Variants in CDON observed in about 807,000 individuals in gnomAD.
CDON encodes the protein cell adhesion associated, oncogene regulated, also known as cell adhesion molecule-related/down-regulated by oncogenes.
Under a neutral mutation model 120.9 loss-of-function variants are expected in CDON, and 73 were observed. The ratio of observed to expected loss-of-function variants is 0.60; its 90% CI spans 0.50 to 0.73. The LOEUF (loss-of-function observed/expected upper bound fraction) is 0.73. CDON is among the 30% of genes least tolerant of loss of function. The pLI, the probability that CDON is intolerant of heterozygous loss-of-function variation, is 0.00. For missense variants in CDON, 1,470 were observed against 1,587.3 expected, an observed-to-expected ratio of 0.93 and a Z score of 1.26; for synonymous variants, 566 against 573.5, an observed-to-expected ratio of 0.99 and a Z score of 0.19.
intron 7 of CDON, 64 bp downstream of exon 7, chr11:126,015,177 G>A (rs764313504): frequency 1.4e-6 from 2 of 1,448,888 alleles, no homozygotes; most frequent in African/African-American, 2.8e-5. Context: ...TTTCATTTTT[G>A]ACCACAACAA....
intron 17 of CDON, among the ~76,000 whole-genome samples, chr11:125,980,437 C>T (rs1328951128): frequency 7.2e-5 from 11 of 152,164 alleles, no homozygotes; most frequent in Admixed American, 7.2e-4. Flanking sequence ...AACCCGGTGG[C>T]CTGCAGAGAT....
chr11:126,004,286 A>C (rs1190816122), intron 9 of CDON: 10 of 595,422 alleles, frequency 1.7e-5, no homozygotes, highest in Non-Finnish European at 2.7e-5. Flanking sequence ...CTGTAGAAAG[A>C]CTCCTGGCTC....
chr11:125,995,095 C>T (rs1171803296), intron 12 of CDON, 43 bp from the exon 13 acceptor site: 2 of 1,509,154 alleles, frequency 1.3e-6, no homozygotes, highest in East Asian at 4.5e-5. Context: ...ACAACAAAAA[C>T]ATAACTAAGA....
intron 8 of CDON, among the ~76,000 whole-genome samples, chr11:126,008,589 T>C (rs190126252): frequency 1.8e-4 from 27 of 152,252 alleles, no homozygotes; most frequent in Non-Finnish European, 1.5e-5. Flanking sequence ...TTCGACAAAA[T>C]ATCTAGTTTC....
chr11:126,047,017 T>C (rs1948422204), intron 1 of CDON, among the ~76,000 whole-genome samples: 1 of 152,178 alleles, frequency 6.6e-6, no homozygotes, highest in African/African-American at 2.4e-5. Flanking sequence ...CAGGAAGTAA[T>C]GGGATTTCCC....
intron 1 of CDON, among the ~76,000 whole-genome samples, chr11:126,057,199 G>C (rs575444639): frequency 1.3e-5 from 2 of 152,274 alleles, no homozygotes; most frequent in East Asian, 3.9e-4. Context: ...TAGCCATTGG[G>C]ATCTGATTTT....
Position 126,010,342 on chromosome 11 carries a change from A to G in CDON, c.1551T>C (p.Val517=), listed in dbSNP as rs1947255833. 1 of 1,597,930 alleles carries G rather than the reference A, an allele frequency of 6.3e-7. No homozygotes were observed. Among genetic ancestry groups the G allele is most frequent in the African/African-American group, 1.3e-5 (1 of 74,616 alleles). Residue 517 remains valine, a splice_region_variant and synonymous_variant, in exon 8 of 20, where the codon GTT becomes GTC. Transcript: ENST00000531738. ...AAATAAATAATAATGGCAACTCACC[A>G]ACCATGAGAGATGCTTCTGCCTGTG... The part of the protein sequence containing the change: ...GTTQAEASLM[V]VPFETNTKAE...
At chr11:126,007,182 C>T (rs1316723486) in intron 8 of CDON, among the ~76,000 whole-genome samples, 1 of 152,092 alleles carries the variant, frequency 6.6e-6, no homozygotes, top group African/African-American at 2.4e-5. Context: ...ACTTTTATGT[C>T]CAAAATGAAG....
At chr11:126,029,622 T>C (rs1232037188) in intron 1 of CDON, among the ~76,000 whole-genome samples, 1 of 152,144 alleles carries the variant, frequency 6.6e-6, no homozygotes, top group Non-Finnish European at 1.5e-5. Flanking sequence ...GTGAAGAGGT[T>C]AGAATTTGAA....
At chr11:125,969,813 A>T (rs193227257) in intron 18 of CDON, among the ~76,000 whole-genome samples, 2 of 152,244 alleles carry the variant, frequency 1.3e-5, no homozygotes, top group East Asian at 1.9e-4. Flanking sequence ...ATCACAAAAA[A>T]TAATAAAATA....
intron 1 of CDON, among the ~76,000 whole-genome samples, chr11:126,026,723 T>C (rs1007842463): frequency 4.6e-5 from 7 of 152,034 alleles, no homozygotes; most frequent in African/African-American, 1.7e-4. Context: ...GGCAGAAGAG[T>C]CCAGCTGTGT....
intron 15 of CDON, among the ~76,000 whole-genome samples, chr11:125,985,473 C>A (rs569998273): frequency 6.6e-6 from 1 of 152,194 alleles, no homozygotes; most frequent in African/African-American, 2.4e-5. Flanking sequence ...AGCCACCGTG[C>A]CTAGCTAGTT....
chr11:125,992,048 A>C (rs1946644014), intron 14 of CDON, among the ~76,000 whole-genome samples: 1 of 152,198 alleles, frequency 6.6e-6, no homozygotes, highest in Admixed American at 6.5e-5. Context: ...GGTGATGATG[A>C]TGAGAGAGAG....
At position 125,960,875 on chromosome 11, in the gene CDON, C is replaced by G; in HGVS notation, c.*67G>C. ...TTGAATTAAGGTCCTTCACACAGTT[C>G]GCTCCCAGGCCTGTTGTGTGCAGTT... On this transcript the variant is annotated 3_prime_UTR_variant, in exon 20 of 20. Coordinates refer to ENST00000531738, the MANE Select transcript of CDON (RefSeq NM_001378964.1). The G allele has an allele frequency of 7.0e-7, 1 of 1,430,484 alleles. No homozygotes were observed. The highest frequency in any genetic ancestry group is 9.9e-7 in the Non-Finnish European group (1 of 1,014,028). 88.6% of individuals were successfully genotyped at this position (1,430,484 alleles called of 1,614,324 possible). A position where few individuals can be genotyped will look rare whatever the true frequency, so the allele number is the denominator to read the frequency against.
In CDON at chr11:126,054,303, A is replaced by G. The variant is rs968197342; in HGVS notation, c.-62+8276T>C. On this transcript the variant is annotated intron_variant, in intron 1 of 19. Coordinates refer to ENST00000531738, the MANE Select transcript of CDON (RefSeq NM_001378964.1). The stretch of plus-strand genomic sequence containing the variant: ...AAAATACAAAAAGACAAAACATGAC[A>G]TCAGCTCTCTGGGCACTGAATAATG... Among the ~76,000 whole-genome samples the G allele has an allele frequency of 8.5e-5, 13 of 152,362 alleles. No individual in the cohort carries two copies. The East Asian group carries it at 9.6e-4, about 11-fold the overall frequency.
intron 3 of CDON, among the ~76,000 whole-genome samples, chr11:126,020,991 G>A (rs201930843): frequency 1.4e-4 from 21 of 147,874 alleles, no homozygotes; most frequent in Non-Finnish European, 1.0e-4. Context: ...AGATTATAAA[G>A]AAAAAAAAAA....
At chr11:125,986,433 T>TA (rs1177904830) in intron 15 of CDON, among the ~76,000 whole-genome samples, 3 of 151,438 alleles carry the variant, frequency 2.0e-5, no homozygotes, top group Non-Finnish European at 2.9e-5. Flanking sequence ...AAGTATAATT[T>TA]AAAAAAAAGA....
intron 1 of CDON, among the ~76,000 whole-genome samples, chr11:126,031,006 C>G (rs1461058865): frequency 2.0e-5 from 3 of 152,122 alleles, no homozygotes; most frequent in Non-Finnish European, 4.4e-5. Context: ...AAAGATATAC[C>G]AAACTAAAGG....
rs1393990691 is a variant in CDON, at chr11:126,062,571, C to T, written c.-62+8G>A. The T allele has an allele frequency of 6.6e-6, 1 of 152,278 alleles. No individual in the cohort carries two copies. The highest frequency in any genetic ancestry group is 2.4e-5 in the African/African-American group (1 of 41,424). 9.4% of individuals were successfully genotyped at this position (152,278 alleles called of 1,614,324 possible). ...TCCGACCCTGCGGCGGGACCCCCACCCCCGCACCTCTCCGCGGGGCTGGCT... is the reference window on the plus strand; with the variant it reads ...TCCGACCCTGCGGCGGGACCCCCACTCCCGCACCTCTCCGCGGGGCTGGCT... On this transcript the variant is annotated splice_region_variant and intron_variant, in intron 1 of 19. Transcript: ENST00000531738.
Sources: allele counts gnomAD v4.1 joint callset (sites outside exome capture counted in the v4.1 genomes callset), GRCh38; gene constraint gnomAD v4.1.1; transcripts MANE v1.5; gene names NCBI Gene and HGNC (gene_info 2026-07-23, HGNC 2026-07-21).